The following FBRSL1 variants were observed in gnomAD, a reference collection of about 807,000 sequenced individuals.
FBRSL1 encodes fibrosin like 1.
A neutral mutation model predicts 89.6 loss-of-function variants in FBRSL1; 51 were observed. The ratio of observed to expected loss-of-function variants is 0.57; its 90% CI spans 0.45 to 0.72. FBRSL1 has a LOEUF of 0.72. FBRSL1 is among the 30% of genes least tolerant of loss of function. The pLI is 0.00. For synonymous variants in FBRSL1, 779 were observed against 681.1 expected (o/e 1.14, Z -2.24); for missense variants, 1,618 against 1,451.8 (o/e 1.11, Z -1.86).
At position 132,583,285 on chromosome 12, in the gene FBRSL1, G is replaced by C; in HGVS notation, c.2516G>C (p.Gly839Ala). 1 of 1,151,330 alleles carries C rather than the reference G, an allele frequency of 8.7e-7. No individual in the cohort carries two copies. The highest frequency in any genetic ancestry group is 4.8e-5 in the Admixed American group (1 of 21,026). 71.3% of individuals were successfully genotyped at this position (1,151,330 alleles called of 1,614,324 possible). A position where few individuals can be genotyped will look rare whatever the true frequency, so the allele number is the denominator to read the frequency against. The change falls in exon 19 of 19, where the codon GGC (glycine) becomes GCC (alanine). Residue 839 changes from glycine (G) to alanine (A), a missense_variant. By Grantham distance (60) the Gly-to-Ala change is moderately conservative. Transcript: ENST00000680143. ...CTGCACCCCGCGCCCCTGCAGCTCG[G>C]CCTGGGCCGCGAGCGCCTGGGCGCG... ...GGLHPAPLQL[G>A]LGRERLGAPG...
Position 132,499,668 on chromosome 12 carries a change from G to A in FBRSL1, c.292-8485G>A, listed in dbSNP as rs556401297. 9.9e-5 allele frequency among the ~76,000 whole-genome samples: 15 copies of A among 152,100 alleles called. No homozygotes were observed. The highest frequency in any genetic ancestry group is 1.9e-4 in the East Asian group (1 of 5,164). On this transcript the variant is annotated intron_variant, in intron 1 of 18. Coordinates refer to ENST00000680143, the MANE Select transcript of FBRSL1 (RefSeq NM_001367871.1). This position sits in a 1 kb window ranked among gnomAD's most constrained non-coding sequence, Gnocchi z 4.3. The stretch of plus-strand genomic sequence containing the variant: ...GCAGGTGGTACAGGTTTGGGGTGCC[G>A]GTGGCAGGCAGGCTGGAGACAGCTG...
chr12:132,514,026 C>T (rs2034606980), intron 2 of FBRSL1, among the ~76,000 whole-genome samples: 1 of 152,242 alleles, frequency 6.6e-6, no homozygotes, highest in Non-Finnish European at 1.5e-5. Flanking sequence ...CCCCCAGGCC[C>T]TGCCCTGCGT....
chr12:132,515,451 A>G (rs377082063), intron 2 of FBRSL1, among the ~76,000 whole-genome samples: 12 of 152,122 alleles, frequency 7.9e-5, no homozygotes, highest in African/African-American at 2.7e-4. Flanking sequence ...AGCTAAAGCA[A>G]TCCTTAAAGG....
intron 5 of FBRSL1, among the ~76,000 whole-genome samples, chr12:132,558,797 A>G (rs1341289643): frequency 6.6e-6 from 1 of 152,262 alleles, no homozygotes; most frequent in South Asian, 2.1e-4. Flanking sequence ...TTCCAAGCCC[A>G]GAAATAGAAA....
intron 6 of FBRSL1, 102 bp downstream of exon 6, chr12:132,567,628 T>C (rs2137808332): frequency 8.1e-7 from 1 of 1,233,568 alleles, no homozygotes; most frequent in South Asian, 1.3e-5. Context: ...GGAGAGATGG[T>C]CTTGGCACCT....
At chr12:132,513,461 C>T (rs1479978726) in intron 2 of FBRSL1, among the ~76,000 whole-genome samples, 1 of 152,096 alleles carries the variant, frequency 6.6e-6, no homozygotes, top group Non-Finnish European at 1.5e-5. Flanking sequence ...CTGCCCGCTG[C>T]CCGACTACAG....
At chr12:132,495,115 G>A (rs1412979522) in intron 1 of FBRSL1, among the ~76,000 whole-genome samples, 4 of 152,238 alleles carry the variant, frequency 2.6e-5, no homozygotes, top group South Asian at 2.1e-4. Context: ...GACACGGCCC[G>A]TCGTGGGGAA....
At chr12:132,501,183 C>T (rs2032904979) in intron 1 of FBRSL1, among the ~76,000 whole-genome samples, 1 of 152,148 alleles carries the variant, frequency 6.6e-6, no homozygotes, top group Non-Finnish European at 1.5e-5. Flanking sequence ...GTGGGTCGGC[C>T]TCGTGGTCCT....
At chr12:132,492,509 G>A (rs2031215716) in intron 1 of FBRSL1, among the ~76,000 whole-genome samples, 1 of 152,232 alleles carries the variant, frequency 6.6e-6, no homozygotes, top group South Asian at 2.1e-4. Context: ...AGAGCTCGAT[G>A]TGTAGAAAGT....
Position 132,584,714 on chromosome 12 carries a change from C to T in FBRSL1, c.*936C>T, listed in dbSNP as rs573205893. On this transcript the variant is annotated 3_prime_UTR_variant, in exon 19 of 19. Transcript: ENST00000680143. ...GGCTTCAGGACTGGCCGGCTCCAGC[C>T]GCAAGGGCGATGCTGTGGACGTTTG... is the stretch of plus-strand genomic sequence containing the variant. The T allele has an allele frequency of 6.6e-6, 1 of 152,472 alleles. No homozygotes were observed. The highest frequency in any genetic ancestry group is 6.5e-5 in the Admixed American group (1 of 15,288). 9.4% of individuals were successfully genotyped at this position (152,472 alleles called of 1,614,324 possible).
intron 5 of FBRSL1, among the ~76,000 whole-genome samples, chr12:132,561,633 T>TG (rs1385205823): frequency 6.6e-6 from 1 of 152,006 alleles, no homozygotes; most frequent in African/African-American, 2.4e-5. Context: ...GGCGGCGTGG[T>TG]GGGGCCTGCT....
chr12:132,541,465 C>T (rs750329188), intron 4 of FBRSL1, among the ~76,000 whole-genome samples: 2 of 152,182 alleles, frequency 1.3e-5, no homozygotes, highest in East Asian at 1.9e-4. Flanking sequence ...TGCCCAGCTG[C>T]GTGGGGTGAG....
chr12:132,517,650 G>A (rs982374527), intron 2 of FBRSL1, among the ~76,000 whole-genome samples: 22 of 152,214 alleles, frequency 1.4e-4, no homozygotes, highest in African/African-American at 5.3e-4. Context: ...GAGCGCTCTG[G>A]GTAGAGGGTG....
rs2040999086 is a variant in FBRSL1, at chr12:132,584,414, T to A, written c.*636T>A. On this transcript the variant is annotated 3_prime_UTR_variant, in exon 19 of 19. Transcript: ENST00000680143. Reference sequence around the variant, plus strand: ...TAAATATATGACGTTACTAAATTCTTAATCTAGATAGACTTTATAAAAACC... The same window carrying A: ...TAAATATATGACGTTACTAAATTCTAAATCTAGATAGACTTTATAAAAACC... 6.6e-6 allele frequency: 1 copy of A among 152,220 alleles called. No individual in the cohort carries two copies. The highest frequency in any genetic ancestry group is 1.5e-5 in the Non-Finnish European group (1 of 68,050). The allele number at this position is 152,220 out of a possible 1,614,324, so 9.4% of individuals were successfully genotyped here.
intron 5 of FBRSL1, among the ~76,000 whole-genome samples, chr12:132,560,442 G>GGCCCGGGTCAGGGC (rs1256590832): frequency 2.6e-5 from 4 of 151,990 alleles, no homozygotes; most frequent in Non-Finnish European, 4.4e-5. Flanking sequence ...GAGGGTCCCA[G>GGCCCGGGTCAGGGC]GCCCGGGTCA....
intron 5 of FBRSL1, among the ~76,000 whole-genome samples, chr12:132,561,677 G>T (rs986904639): frequency 1.3e-5 from 2 of 152,154 alleles, no homozygotes; most frequent in Non-Finnish European, 2.9e-5. Context: ...TAACAGGTGG[G>T]CCACCTGGCG....
chr12:132,580,876 CG>C (rs1393297596), intron 15 of FBRSL1: 1 of 985,298 alleles, frequency 1.0e-6, no homozygotes, highest in Non-Finnish European at 1.2e-6. Context: ...TCCCAGGGCC[CG>C]GGCCCAGGCC....
chr12:132,532,679 A>G lies in FBRSL1; in HGVS notation c.615+4691A>G, dbSNP rs1216210884. On this transcript the variant is annotated intron_variant, in intron 4 of 18. Coordinates refer to ENST00000680143, the MANE Select transcript of FBRSL1 (RefSeq NM_001367871.1). Reference sequence around the variant, plus strand: ...GGAAAGACCTGGGTAAGGGAAGCCAAGGAGTCGCTGTCCCAGGCGGGGTGT... The same window carrying G: ...GGAAAGACCTGGGTAAGGGAAGCCAGGGAGTCGCTGTCCCAGGCGGGGTGT... Among the ~76,000 whole-genome samples the G allele has an allele frequency of 3.7e-5, 5 of 136,948 alleles. No homozygotes were observed. In the Admixed American group the frequency reaches 3.7e-4, roughly 10 times the overall value. 89.8% of individuals were successfully genotyped at this position (136,948 alleles called of 152,430 possible).
Position 132,547,946 on chromosome 12 carries a change from G to A in FBRSL1, c.616-57G>A, listed in dbSNP as rs193092547. 1,065 of 1,540,060 alleles carry A rather than the reference G, an allele frequency of 6.9e-4. 12 individuals carry two copies. The East Asian group carries it at 0.021, about 31-fold the overall frequency. On this transcript the variant is annotated intron_variant, in intron 4 of 18. Coordinates refer to ENST00000680143, the MANE Select transcript of FBRSL1 (RefSeq NM_001367871.1). The stretch of plus-strand genomic sequence containing the variant: ...TGCAGCCTGGCTGCTGCCGTGCCCC[G>A]GGGGGTGACACTGGTTGGTGGGGCC...
Sources: gnomAD v4.1 joint callset for allele counts (sites outside exome capture counted in the v4.1 genomes callset) on GRCh38, gnomAD v4.1.1 for gene constraint, Gnocchi (gnomAD v3.1) non-coding constraint, MANE v1.5 for transcripts, NCBI Gene and HGNC (gene_info 2026-07-23, HGNC 2026-07-21) for gene names.